FBXL17: variants seen among roughly 807,000 people sequenced by gnomAD.
The protein encoded by FBXL17 is F-box and leucine rich repeat protein 17, also known as F-box/LRR-repeat protein 17.
FBXL17 carries 22 observed loss-of-function variants against 66.2 expected under a neutral mutation model. That is an observed-to-expected ratio of 0.33 (90% CI 0.24 to 0.47). The LOEUF (loss-of-function observed/expected upper bound fraction) is 0.47. Ranked by LOEUF, FBXL17 falls within the 20% of genes least tolerant of loss-of-function variation. The probability of loss-of-function intolerance (pLI) is 1.00; values close to 1 mark genes in which losing one functional copy is unlikely to be tolerated. For missense variants in FBXL17, 878 were observed against 948.2 expected, an observed-to-expected ratio of 0.93 and a Z score of 0.97; for synonymous variants, 474 against 400.5, an observed-to-expected ratio of 1.18 and a Z score of -2.19.
At chr5:108,220,362 A>G (rs529762389) in intron 5 of FBXL17, among the ~76,000 whole-genome samples, 10 of 152,258 alleles carry the variant, frequency 6.6e-5, no homozygotes, top group Admixed American at 3.3e-4. Context: ...CCTGTGCTGC[A>G]GTCTGGAAAC....
At chr5:107,929,994 T>C (rs534679024) in intron 7 of FBXL17, among the ~76,000 whole-genome samples, 25 of 152,292 alleles carry the variant, frequency 1.6e-4, no homozygotes, top group African/African-American at 5.5e-4. Flanking sequence ...ATCCATTCAC[T>C]TTTGTCCATC....
intron 6 of FBXL17, among the ~76,000 whole-genome samples, chr5:108,100,784 T>C (rs953958343): frequency 2.6e-5 from 4 of 152,234 alleles, no homozygotes; most frequent in Non-Finnish European, 5.9e-5. Context: ...TATAATGTCA[T>C]AGCTTTAATG....
chr5:108,341,865 T>C (rs1477431515), intron 4 of FBXL17, among the ~76,000 whole-genome samples: 1 of 152,184 alleles, frequency 6.6e-6, no homozygotes, highest in East Asian at 1.9e-4. Context: ...CTAAAATATG[T>C]CTGCTTGCAT....
At chr5:108,159,718 C>T (rs1752134510) in intron 6 of FBXL17, among the ~76,000 whole-genome samples, 1 of 152,046 alleles carries the variant, frequency 6.6e-6, no homozygotes, top group South Asian at 2.1e-4. Flanking sequence ...ACTAAAACAT[C>T]GTGTAAAGAT....
At chr5:108,193,924 T>TTTTATTCA (rs1284590222) in intron 5 of FBXL17, among the ~76,000 whole-genome samples, 1 of 152,156 alleles carries the variant, frequency 6.6e-6, no homozygotes, top group Non-Finnish European at 1.5e-5. Context: ...TTATTCTCCA[T>TTTTATTCA]TTTATTCATT....
chr5:107,981,669 T>A (rs176385), intron 7 of FBXL17, among the ~76,000 whole-genome samples: 22,186 of 152,268 alleles, frequency 0.15, 2,024 homozygotes, highest in East Asian at 0.3. Context: ...CTTTCGCAGT[T>A]TCTGTTTTAA....
chr5:108,314,523 C>T (rs1435401467), intron 4 of FBXL17, among the ~76,000 whole-genome samples: 3 of 151,410 alleles, frequency 2.0e-5, no homozygotes, highest in East Asian at 1.9e-4. Flanking sequence ...CCTTTATTCA[C>T]TTTAACTCTA....
chr5:107,863,437 C>T (rs1353242522), intron 8 of FBXL17, among the ~76,000 whole-genome samples: 1 of 151,328 alleles, frequency 6.6e-6, no homozygotes, highest in African/African-American at 2.4e-5. Context: ...CACATGCCTA[C>T]TTCCTACTCA....
chr5:108,336,155 A>T, intron 4 of FBXL17, among the ~76,000 whole-genome samples: 1 of 152,286 alleles, frequency 6.6e-6, no homozygotes, highest in East Asian at 1.9e-4. Flanking sequence ...GAATTTATGA[A>T]ACTAGAAACT....
At chr5:108,162,256 T>C (rs1277443780) in intron 6 of FBXL17, among the ~76,000 whole-genome samples, 1 of 152,164 alleles carries the variant, frequency 6.6e-6, no homozygotes, top group African/African-American at 2.4e-5. Flanking sequence ...CCTAGCACTT[T>C]GGGAGCAGAG....
intron 1 of FBXL17, among the ~76,000 whole-genome samples, chr5:108,374,459 C>T (rs1749283748): frequency 6.6e-6 from 1 of 152,056 alleles, no homozygotes; most frequent in Admixed American, 6.6e-5. Context: ...ATCACTTGAG[C>T]CCAGGGGTTT....
rs201348573 is a variant in FBXL17 at position 108,068,462 on chromosome 5, G to C, written c.1746-47461C>G. Among the ~76,000 whole-genome samples, 14 of 149,472 alleles carry C rather than the reference G, an allele frequency of 9.4e-5. 1 individual carries two copies. The highest frequency in any genetic ancestry group is 2.1e-4 in the South Asian group (1 of 4,708). On this transcript the variant is annotated intron_variant, in intron 6 of 8. Coordinates refer to ENST00000542267, the MANE Select transcript of FBXL17 (RefSeq NM_001163315.3). ...TTCTTATTTTTTTTCTTTTTTTGGGGGGGGGGCGGGGGGAATGGAGTCTCG... is the reference window on the plus strand; with the variant it reads ...TTCTTATTTTTTTTCTTTTTTTGGGCGGGGGGCGGGGGGAATGGAGTCTCG...
chr5:107,940,764 T>C (rs902983004), intron 7 of FBXL17, among the ~76,000 whole-genome samples: 4 of 152,128 alleles, frequency 2.6e-5, no homozygotes, highest in African/African-American at 7.2e-5. Flanking sequence ...ATACACATAA[T>C]TGGATCTGCA....
chr5:108,295,897 G>A (rs1422352864), intron 4 of FBXL17, among the ~76,000 whole-genome samples: 3 of 147,526 alleles, frequency 2.0e-5, no homozygotes, highest in African/African-American at 7.4e-5. Context: ...GTAGCACACA[G>A]TAGATAGCCA....
chr5:108,339,470 C>G (rs1416382014), intron 4 of FBXL17, among the ~76,000 whole-genome samples: 1 of 151,960 alleles, frequency 6.6e-6, no homozygotes, highest in Non-Finnish European at 1.5e-5. Flanking sequence ...GAGCACAAAG[C>G]CCAAGACTGC....
intron 5 of FBXL17, among the ~76,000 whole-genome samples, chr5:108,197,827 G>A (rs1387285889): frequency 6.6e-6 from 1 of 151,706 alleles, no homozygotes; most frequent in Non-Finnish European, 1.5e-5. Context: ...TTTTTTCCTG[G>A]TTTACAGTAT....
chr5:108,297,553 A>G (rs1316602724), intron 4 of FBXL17, among the ~76,000 whole-genome samples: 1 of 151,666 alleles, frequency 6.6e-6, no homozygotes. Context: ...ATGCATAAAC[A>G]TCACATTAAC....
chr5:108,161,641 A>T (rs1399133265), intron 6 of FBXL17, among the ~76,000 whole-genome samples: 2 of 152,238 alleles, frequency 1.3e-5, no homozygotes, highest in African/African-American at 4.8e-5. Context: ...GCAATAATGA[A>T]TCAACTCGGG....
rs150576260 is a variant in FBXL17 at position 108,039,491 on chromosome 5, T to C, written c.1746-18490A>G. 2.4e-3 allele frequency among the ~76,000 whole-genome samples: 366 copies of C among 152,198 alleles called. 3 individuals are homozygous for C. Among genetic ancestry groups the C allele is most frequent in the South Asian group, 0.014 (67 of 4,826 alleles). On this transcript the variant is annotated intron_variant, in intron 6 of 8. Coordinates refer to ENST00000542267, the MANE Select transcript of FBXL17 (RefSeq NM_001163315.3). ...CTTAACAAAAGAATTGATAAGTGTT[T>C]ATATAGGCTAGTTGTAAAAAAATAA...
Sources: allele counts gnomAD v4.1 joint callset (sites outside exome capture counted in the v4.1 genomes callset), GRCh38; gene constraint gnomAD v4.1.1; transcripts MANE v1.5; gene names NCBI Gene and HGNC (gene_info 2026-07-23, HGNC 2026-07-21).